The following ARHGAP22 variants were observed in gnomAD, a reference collection of about 807,000 sequenced individuals.
The protein encoded by ARHGAP22 is Rho GTPase activating protein 22.
Under a neutral mutation model 59.1 loss-of-function variants are expected in ARHGAP22, and 48 were observed. The observed-to-expected ratio is 0.81, with a 90% CI of 0.64 to 1.03. The LOEUF (loss-of-function observed/expected upper bound fraction) is 1.03. ARHGAP22 is among the 50% of genes least tolerant of loss of function. The pLI, the probability that ARHGAP22 is intolerant of heterozygous loss-of-function variation, is 0.00. For missense variants in ARHGAP22, 1,015 were observed against 958.7 expected, an observed-to-expected ratio of 1.06 and a Z score of -0.78; for synonymous variants, 445 against 416.4, an observed-to-expected ratio of 1.07 and a Z score of -0.84.
At chr10:48,498,139 T>A (rs1431906722) in intron 3 of ARHGAP22, among the ~76,000 whole-genome samples, 1 of 152,104 alleles carries the variant, frequency 6.6e-6, no homozygotes, top group Non-Finnish European at 1.5e-5. Flanking sequence ...CGAGCCCACA[T>A]GCTCTGTTTT....
chr10:48,576,615 T>G (rs1302904539), intron 2 of ARHGAP22, among the ~76,000 whole-genome samples: 1 of 151,848 alleles, frequency 6.6e-6, no homozygotes, highest in Non-Finnish European at 1.5e-5. Flanking sequence ...TTATTTCACT[T>G]TTTTTTTACA....
At chr10:48,503,899 C>T (rs1007073161) in intron 3 of ARHGAP22, among the ~76,000 whole-genome samples, 8 of 152,240 alleles carry the variant, frequency 5.3e-5, no homozygotes, top group Admixed American at 5.2e-4. Context: ...CAGATATGAA[C>T]CCCGGCTGGC....
At chr10:48,484,910 C>G (rs2049701603) in intron 3 of ARHGAP22, among the ~76,000 whole-genome samples, 1 of 152,202 alleles carries the variant, frequency 6.6e-6, no homozygotes, top group South Asian at 2.1e-4. Flanking sequence ...AACAAATCAG[C>G]CTTTTGCTTC....
chr10:48,568,295 T>C (rs4084916), intron 2 of ARHGAP22, among the ~76,000 whole-genome samples: 19,051 of 152,268 alleles, frequency 0.13, 1,511 homozygotes, highest in Admixed American at 0.22. Context: ...AGAGGGGTTG[T>C]GGACCCCATG....
At chr10:48,504,386 G>A (rs752151353) in intron 3 of ARHGAP22, among the ~76,000 whole-genome samples, 38 of 152,222 alleles carry the variant, frequency 2.5e-4, no homozygotes, top group Non-Finnish European at 5.3e-4. Context: ...TGGATGGGGT[G>A]TGTGGGTGAA....
At chr10:48,486,928 T>G (rs1214202520) in intron 3 of ARHGAP22, among the ~76,000 whole-genome samples, 3 of 152,262 alleles carry the variant, frequency 2.0e-5, no homozygotes, top group Admixed American at 6.5e-5. Context: ...CTTGCATTGT[T>G]TCTCATGAGA....
intron 3 of ARHGAP22, among the ~76,000 whole-genome samples, chr10:48,530,544 T>C (rs934839006): frequency 3.3e-5 from 5 of 152,050 alleles, no homozygotes; most frequent in Non-Finnish European, 4.4e-5. Context: ...ACATCCAGAA[T>C]CTAAAAAGAA....
intron 2 of ARHGAP22, among the ~76,000 whole-genome samples, chr10:48,581,576 T>C (rs1398667285): frequency 1.3e-5 from 2 of 152,368 alleles, no homozygotes; most frequent in East Asian, 3.9e-4. Context: ...TTTGTCATAC[T>C]CACATTTCAT....
intron 2 of ARHGAP22, among the ~76,000 whole-genome samples, chr10:48,566,069 T>C (rs953854937): frequency 2.0e-5 from 3 of 152,222 alleles, no homozygotes; most frequent in Non-Finnish European, 2.9e-5. Context: ...TCAGCTCTTT[T>C]CAACATGATC....
intron 8 of ARHGAP22, among the ~76,000 whole-genome samples, chr10:48,452,269 C>A (rs942286090): frequency 2.0e-5 from 3 of 152,148 alleles, no homozygotes; most frequent in African/African-American, 7.2e-5. Context: ...TAGGAGGTCC[C>A]CCGGTAGGAG....
At chr10:48,496,579 C>T (rs1055404103) in intron 3 of ARHGAP22, among the ~76,000 whole-genome samples, 2 of 152,150 alleles carry the variant, frequency 1.3e-5, no homozygotes, top group African/African-American at 4.8e-5. Context: ...GTTCTGGCCG[C>T]TCTCTTCACC....
chr10:48,598,833 C>T (rs1171745622), intron 1 of ARHGAP22, among the ~76,000 whole-genome samples: 1 of 152,224 alleles, frequency 6.6e-6, no homozygotes, highest in Non-Finnish European at 1.5e-5. Flanking sequence ...AGCACAGAGG[C>T]TTTCACAACC....
intron 3 of ARHGAP22, among the ~76,000 whole-genome samples, chr10:48,548,282 C>T (rs946221453): frequency 6.6e-6 from 1 of 152,166 alleles, no homozygotes; most frequent in African/African-American, 2.4e-5. Context: ...TTCCCCTTTG[C>T]TAGAGTTAGC....
At chr10:48,442,333 T>C (rs183468037), downstream of ARHGAP22, among the ~76,000 whole-genome samples, 226 of 152,318 alleles carry the variant, frequency 1.5e-3, 1 homozygote, top group African/African-American at 5.1e-3. Context: ...CGGTGAGTGC[T>C]GGCTGCCGCC....
chr10:48,474,604 C>A (rs567359467), intron 4 of ARHGAP22, among the ~76,000 whole-genome samples: 136 of 139,332 alleles, frequency 9.8e-4, no homozygotes, highest in Non-Finnish European at 1.7e-3. Flanking sequence ...TAGGAATTCC[C>A]TTCTATTCCT....
At chr10:48,433,959 TGA>T in the ARHGAP22 span, among the ~76,000 whole-genome samples, 98 of 152,356 alleles carry the variant, frequency 6.4e-4, 1 homozygote, top group East Asian at 0.017. Context: ...CAATTTGGAA[TGA>T]CCCTTATTTA....
intron 3 of ARHGAP22, among the ~76,000 whole-genome samples, chr10:48,496,051 G>A (rs190503049): frequency 1.3e-5 from 2 of 152,274 alleles, no homozygotes; most frequent in East Asian, 1.9e-4. Flanking sequence ...GAGCCTGTGA[G>A]AGCCCCCAAG....
At chr10:48,615,777 T>C (rs182701771) in intron 1 of ARHGAP22, among the ~76,000 whole-genome samples, 18 of 152,230 alleles carry the variant, frequency 1.2e-4, no homozygotes, top group Non-Finnish European at 2.1e-4. Flanking sequence ...CATCAAGTAC[T>C]GAACTTCGAT....
chr10:48,595,067 C>A (rs1475945994), intron 1 of ARHGAP22, among the ~76,000 whole-genome samples: 1 of 152,192 alleles, frequency 6.6e-6, no homozygotes, highest in Non-Finnish European at 1.5e-5. Flanking sequence ...CTGCTGGGCT[C>A]TCAGCTCTGG....
Sources: gnomAD v4.1 joint callset for allele counts (sites outside exome capture counted in the v4.1 genomes callset) on GRCh38, gnomAD v4.1.1 for gene constraint, MANE v1.5 for transcripts, NCBI Gene and HGNC (gene_info 2026-07-23, HGNC 2026-07-21) for gene names.